Variants in TRPM1 observed in about 807,000 individuals in gnomAD.
TRPM1 encodes TRPM1-203 APA Isoform, Intron 10.
Under a neutral mutation model 149.4 loss-of-function variants are expected in TRPM1, and 113 were observed. The observed-to-expected ratio is 0.76, with a 90% CI of 0.65 to 0.88. The LOEUF (loss-of-function observed/expected upper bound fraction) is 0.88. Ranked by LOEUF, TRPM1 falls within the 40% of genes least tolerant of loss-of-function variation. The probability of loss-of-function intolerance (pLI) is 0.00; values close to 1 mark genes in which losing one functional copy is unlikely to be tolerated. For missense variants in TRPM1, 1,976 were observed against 2,038.7 expected, an observed-to-expected ratio of 0.97 and a Z score of 0.59; for synonymous variants, 741 against 759.5, an observed-to-expected ratio of 0.98 and a Z score of 0.40.
At chr15:31,139,000 C>A (rs1280085637) in intron 1 of TRPM1, among the ~76,000 whole-genome samples, 1 of 152,126 alleles carries the variant, frequency 6.6e-6, no homozygotes, top group Non-Finnish European at 1.5e-5. Flanking sequence ...TTACCTATGA[C>A]CTTTTTTGTC....
intron 1 of TRPM1, among the ~76,000 whole-genome samples, chr15:31,117,213 TG>T (rs568757821): frequency 7.9e-5 from 12 of 151,460 alleles, no homozygotes; most frequent in Non-Finnish European, 1.6e-4. Flanking sequence ...AGGCCGGGCA[TG>T]GTGGCTCATG....
At position 31,002,785 on chromosome 15, in the gene TRPM1, T is replaced by C. The variant is rs2141100285; in HGVS notation, c.3915A>G (p.Leu1305=). ...YRYHFNGEEL[L]FEDTSLSTSP... The stretch of plus-strand genomic sequence containing the variant: ...ACGTGGAGAGAGATGTATCCTCAAA[T>C]AATAACTCTTCTCCGTTAAAATGAT... The change falls in exon 28 of 28, where the codon TTA becomes TTG. Residue 1305 remains leucine (L), a synonymous_variant. Transcript: ENST00000256552. The C allele has an allele frequency of 1.2e-6, 2 of 1,614,178 alleles. No homozygotes were observed. Among genetic ancestry groups the C allele is most frequent in the East Asian group, 2.2e-5 (1 of 44,894 alleles).
chr15:31,149,526 C>CTTTT (rs770015508), intron 1 of TRPM1, among the ~76,000 whole-genome samples: 3 of 122,828 alleles, frequency 2.4e-5, no homozygotes, highest in South Asian at 2.6e-4. Context: ...CTCTCTCTCT[C>CTTTT]TTTTTTTTTT....
intron 1 of TRPM1, among the ~76,000 whole-genome samples, chr15:31,083,138 C>T (rs1005295828): frequency 2.6e-5 from 4 of 152,074 alleles, no homozygotes; most frequent in East Asian, 1.9e-4. Flanking sequence ...TACTGCCGGG[C>T]GAGGCTCTGT....
At chr15:31,089,733 G>T (rs57961794) in intron 1 of TRPM1, among the ~76,000 whole-genome samples, 1 of 152,188 alleles carries the variant, frequency 6.6e-6, no homozygotes, top group African/African-American at 2.4e-5. Context: ...AAGGCCTGGA[G>T]CTTGCTTTAG....
At chr15:31,060,796 G>T (rs753496556) in intron 10 of TRPM1, 152 bp from the exon 11 acceptor site, 104 of 722,270 alleles carry the variant, frequency 1.4e-4, no homozygotes, top group Admixed American at 2.4e-4. Flanking sequence ...GACCACAAAG[G>T]CTCCGAGCTG....
intron 1 of TRPM1, among the ~76,000 whole-genome samples, chr15:31,125,535 C>T (rs1465851798): frequency 6.7e-6 from 1 of 150,044 alleles, no homozygotes; most frequent in African/African-American, 2.5e-5. Context: ...TCGAGACCAT[C>T]CCGGCTAAAA....
intron 1 of TRPM1, among the ~76,000 whole-genome samples, chr15:31,100,378 C>A (rs1003906365): frequency 2.0e-5 from 3 of 151,890 alleles, no homozygotes; most frequent in African/African-American, 4.8e-5. Context: ...CCTGGCCCTG[C>A]AAATATTTTC....
rs141989605 is a variant in TRPM1 at position 31,063,221 on chromosome 15, C to A, written c.862G>T (p.Glu288Ter). The change falls in exon 8 of 28, where the codon GAA becomes TAA. Residue 288 changes from glutamate to a stop codon, truncating the protein, a stop_gained. Coordinates refer to ENST00000256552, the MANE Select transcript of TRPM1 (RefSeq NM_001252024.2). LOFTEE classifies it high-confidence loss of function. ...GGPNVVSIVLEYLQEEPPIPV... is the reference protein window; with the variant it reads ...GGPNVVSIVL ...ATGGGAGGCTCTTCTTGCAGGTATTCCAAGACGATGGACACCACGTTAGGG... is the reference window on the plus strand; with the variant it reads ...ATGGGAGGCTCTTCTTGCAGGTATTACAAGACGATGGACACCACGTTAGGG... 6.2e-7 allele frequency: 1 copy of A among 1,614,200 alleles called. No homozygotes were observed. Among genetic ancestry groups the A allele is most frequent in the Non-Finnish European group, 8.5e-7 (1 of 1,180,042 alleles).
intron 3 of TRPM1, among the ~76,000 whole-genome samples, chr15:31,074,381 A>G (rs770033568): frequency 6.6e-6 from 1 of 152,112 alleles, no homozygotes; most frequent in Non-Finnish European, 1.5e-5. Flanking sequence ...TACTCCTTAT[A>G]GATCTGTTCA....
intron 1 of TRPM1, among the ~76,000 whole-genome samples, chr15:31,148,897 C>A (rs1340175031): frequency 6.6e-6 from 1 of 152,148 alleles, no homozygotes; most frequent in Non-Finnish European, 1.5e-5. Flanking sequence ...GCCAGGCAGC[C>A]AGGGTGGGCA....
chr15:31,157,055 G>A (rs2141067369), intron 1 of TRPM1, among the ~76,000 whole-genome samples: 1 of 152,156 alleles, frequency 6.6e-6, no homozygotes, highest in African/African-American at 2.4e-5. Context: ...GGGACTACAG[G>A]TGCACTCCAC....
upstream of TRPM1, among the ~76,000 whole-genome samples, chr15:31,105,432 T>C (rs1430960447): frequency 3.6e-5 from 4 of 111,856 alleles, no homozygotes; most frequent in African/African-American, 7.8e-5. Flanking sequence ...AAGCTGTGTG[T>C]CTCTGTGTGT....
At position 31,122,292 on chromosome 15, in the gene TRPM1, C is replaced by T. The variant is rs531753769; in HGVS notation, c.54+38614G>A. ...AGGAATAAGGTAAGAATGTCCCCTC[C>T]TACTACTCCTTTTCAACATCATACT... On this transcript the variant is annotated intron_variant, in intron 1 of 26. Coordinates refer to the TRPM1 transcript ENST00000542188. 3.9e-5 allele frequency among the ~76,000 whole-genome samples: 6 copies of T among 152,252 alleles called. No homozygotes were observed. The East Asian group carries it at 1.2e-3, about 29-fold the overall frequency.
At chr15:31,072,233 C>G (rs1039234479) in intron 3 of TRPM1, among the ~76,000 whole-genome samples, 1 of 151,870 alleles carries the variant, frequency 6.6e-6, no homozygotes, top group African/African-American at 2.4e-5. Flanking sequence ...TACTTTTTAT[C>G]TCTGTGGATT....
At chr15:31,076,774 T>G (rs982345109) in intron 3 of TRPM1, 131 bp downstream of exon 3, 2 of 762,582 alleles carry the variant, frequency 2.6e-6, no homozygotes, top group Non-Finnish European at 2.4e-6. Context: ...GTGACTCCCT[T>G]GTTAGTGACT....
intron 1 of TRPM1, among the ~76,000 whole-genome samples, chr15:31,131,826 A>G (rs1217394350): frequency 8.3e-6 from 1 of 119,840 alleles, no homozygotes; most frequent in Non-Finnish European, 1.8e-5. Flanking sequence ...GCTCGCCCCC[A>G]CCCCCCTGCT....
At chr15:31,004,313 T>C (rs952386582) in intron 27 of TRPM1, among the ~76,000 whole-genome samples, 1 of 151,728 alleles carries the variant, frequency 6.6e-6, no homozygotes, top group Non-Finnish European at 1.5e-5. Context: ...CCCCGCTCTT[T>C]TGTCTTCTGA....
At position 31,152,778 on chromosome 15, in the gene TRPM1, G is replaced by A. The variant is rs150592251; in HGVS notation, c.54+8128C>T. 3.8e-3 allele frequency among the ~76,000 whole-genome samples: 578 copies of A among 152,208 alleles called. 5 individuals carry two copies. The highest frequency in any genetic ancestry group is 0.013 in the African/African-American group (552 of 41,532). ...CCACCTCAGCCTCCCAAGTAGCTGG[G>A]ACCACAGGCACACACCACCACATCT... On this transcript the variant is annotated intron_variant, in intron 1 of 26. Transcript: ENST00000542188.
Sources: gnomAD v4.1 joint callset for allele counts (sites outside exome capture counted in the v4.1 genomes callset) on GRCh38, gnomAD v4.1.1 for gene constraint, MANE v1.5 for transcripts, NCBI Gene and HGNC (gene_info 2026-07-23, HGNC 2026-07-21) for gene names.